Variants in SMURF1 observed in about 807,000 individuals in gnomAD.
SMURF1 encodes SMAD specific E3 ubiquitin protein ligase 1, also known as E3 ubiquitin-protein ligase SMURF1.
In SMURF1, 44 loss-of-function variants were observed where a neutral mutation model predicts 98.0. The ratio of observed to expected loss-of-function variants is 0.45; its 90% CI spans 0.35 to 0.58. The LOEUF is 0.58. Among genes scored for constraint, SMURF1 ranks in the 20% least tolerant of loss-of-function variants. SMURF1 has a pLI of 0.00. For missense variants in SMURF1, 687 were observed against 938.4 expected, an observed-to-expected ratio of 0.73 and a Z score of 3.50; for synonymous variants, 396 against 374.9, an observed-to-expected ratio of 1.06 and a Z score of -0.65.
chr7:99,037,220 C>G (rs753043501), intron 14 of SMURF1, 33 bp from the exon 15 acceptor site: 2 of 1,613,128 alleles, frequency 1.2e-6, no homozygotes, highest in Admixed American at 1.7e-5. Flanking sequence ...GGATGCAACA[C>G]CAAGTGGATT....
chr7:99,057,590 GGTTTTTTTTGTTTT>G (rs749034770), intron 3 of SMURF1, 39 bp from the exon 4 acceptor site: 3 of 1,410,174 alleles, frequency 2.1e-6, no homozygotes, highest in Admixed American at 2.9e-5. Flanking sequence ...AATTGTGTTT[GGTTTTTTTTGTTTT>G]GTTTTTTTTT....
At chr7:99,064,320 T>C (rs1035667348) in intron 1 of SMURF1, among the ~76,000 whole-genome samples, 2 of 152,230 alleles carry the variant, frequency 1.3e-5, no homozygotes, top group Non-Finnish European at 2.9e-5. Flanking sequence ...CCTCGTCTTT[T>C]TGTTTTGTTT....
chr7:99,056,939 G>A (rs1795889440), intron 5 of SMURF1, among the ~76,000 whole-genome samples: 1 of 125,426 alleles, frequency 8.0e-6, no homozygotes, highest in African/African-American at 3.3e-5. Context: ...GGAGGCGGAG[G>A]TTGAGGTGAG....
chr7:99,042,425 C>T (rs927140780), intron 11 of SMURF1, among the ~76,000 whole-genome samples, 193 bp from the exon 12 acceptor site: 1 of 152,150 alleles, frequency 6.6e-6, no homozygotes, highest in Non-Finnish European at 1.5e-5. Context: ...AGGCATGCGC[C>T]ACCAGGCCCG....
rs539736532 is a variant in SMURF1 at position 99,027,624 on chromosome 7, A to T, written c.*2960T>A. The stretch of plus-strand genomic sequence containing the variant: ...TTAGTGTACAACTTTCACAAAATAA[A>T]TCAGTGATAAAAACAGTGGGAAGGA... On this transcript the variant is annotated 3_prime_UTR_variant, in exon 18 of 18. Coordinates refer to ENST00000361368, the MANE Select transcript of SMURF1 (RefSeq NM_181349.3). The T allele has an allele frequency of 2.6e-5, 4 of 152,812 alleles. No homozygotes were observed. Among genetic ancestry groups the T allele is most frequent in the African/African-American group, 9.6e-5 (4 of 41,588 alleles). The allele number at this position is 152,812 out of a possible 1,614,324, so 9.5% of individuals were successfully genotyped here. A position where few individuals can be genotyped will look rare whatever the true frequency, so the allele number is the denominator to read the frequency against.
At chr7:99,036,262 G>C (rs1795137033) in intron 15 of SMURF1, 1 of 159,082 alleles carries the variant, frequency 6.3e-6, no homozygotes, top group African/African-American at 2.4e-5. Context: ...CAGATCACTT[G>C]AGCCCAGGAG....
chr7:99,077,136 T>C (rs1489821622), intron 1 of SMURF1, among the ~76,000 whole-genome samples: 6 of 151,976 alleles, frequency 3.9e-5, no homozygotes, highest in Non-Finnish European at 8.8e-5. Flanking sequence ...TAATAATAAA[T>C]TATGGTATAA....
chr7:99,090,447 T>C (rs941240230), intron 1 of SMURF1, among the ~76,000 whole-genome samples: 8 of 152,064 alleles, frequency 5.3e-5, no homozygotes, highest in Non-Finnish European at 8.8e-5. Flanking sequence ...CCCTCCCACA[T>C]AGACCCATAA....
chr7:99,038,347 C>T (rs745327598), intron 14 of SMURF1, 41 bp downstream of exon 14: 63 of 1,606,350 alleles, frequency 3.9e-5, no homozygotes, highest in East Asian at 1.6e-4. Context: ...CAGGCTCAGC[C>T]GCGCCCCAGG....
At chr7:99,107,018 T>A (rs561467042) in intron 1 of SMURF1, among the ~76,000 whole-genome samples, 47 of 152,338 alleles carry the variant, frequency 3.1e-4, no homozygotes, top group African/African-American at 1.1e-3. Flanking sequence ...ACATCGTAGA[T>A]TCTGTGATGT....
At chr7:99,052,971 T>C (rs1298934977) in intron 6 of SMURF1, among the ~76,000 whole-genome samples, 1 of 152,096 alleles carries the variant, frequency 6.6e-6, no homozygotes, top group East Asian at 1.9e-4. Flanking sequence ...GGCTGAGAAT[T>C]GCTTGAACCC....
chr7:99,114,761 A>G (rs1797402113), intron 1 of SMURF1, among the ~76,000 whole-genome samples: 1 of 152,180 alleles, frequency 6.6e-6, no homozygotes, highest in South Asian at 2.1e-4. Flanking sequence ...CCACAAAACA[A>G]GTCTTAATAA....
At position 99,035,844 on chromosome 7, in the gene SMURF1, C is replaced by T. The variant is rs766236980; in HGVS notation, c.1810-128G>A. ...AGCAAAGCAGCAGCTGTGTACTAGGCAGATGTTGAGACAGGAAGAAAGCTA... is the reference window on the plus strand; with the variant it reads ...AGCAAAGCAGCAGCTGTGTACTAGGTAGATGTTGAGACAGGAAGAAAGCTA... On this transcript the variant is annotated intron_variant, in intron 15 of 17. Transcript: ENST00000361368. 2.3e-5 allele frequency: 20 copies of T among 859,944 alleles called. No homozygotes were observed. In the Middle Eastern group the frequency reaches 1.0e-3, roughly 43 times the overall value. The allele number at this position is 859,944 out of a possible 1,614,324, so 53.3% of individuals were successfully genotyped here.
intron 1 of SMURF1, among the ~76,000 whole-genome samples, chr7:99,137,399 T>C (rs919812416): frequency 1.3e-5 from 2 of 152,242 alleles, no homozygotes; most frequent in African/African-American, 4.8e-5. Flanking sequence ...GTGGTACTTG[T>C]GTGAATTAGA....
intron 1 of SMURF1, among the ~76,000 whole-genome samples, chr7:99,129,110 C>T (rs1797806448): frequency 6.6e-6 from 1 of 152,172 alleles, no homozygotes; most frequent in Non-Finnish European, 1.5e-5. Flanking sequence ...AAGTCAGAGG[C>T]AGCCCTAAAA....
rs947491795 is a variant in SMURF1, at chr7:99,106,865, C to T, written c.55+36861G>A. ...AAGCTAAGCAGCTCTTTGCTTGTTT[C>T]GTTAGCAGCTCATGACTGCATTAAT... On this transcript the variant is annotated intron_variant, in intron 1 of 17. Coordinates refer to ENST00000361368, the MANE Select transcript of SMURF1 (RefSeq NM_181349.3). Among the ~76,000 whole-genome samples the T allele has an allele frequency of 3.3e-5, 5 of 152,198 alleles. 1 individual carries two copies. The South Asian group carries it at 6.2e-4, about 19-fold the overall frequency.
In SMURF1 at chr7:99,139,416, T is replaced by C. The variant is rs191360598; in HGVS notation, c.55+4310A>G. ...AAAAACACCAGGATATCTGAGAGTA[T>C]TTCAATGCATAAAAGCACAAAAAAG... On this transcript the variant is annotated intron_variant, in intron 1 of 17. Coordinates refer to ENST00000361368, the MANE Select transcript of SMURF1 (RefSeq NM_181349.3). Among the ~76,000 whole-genome samples, 423 of 152,342 alleles carry C rather than the reference T, an allele frequency of 2.8e-3. 1 individual carries two copies. The highest frequency in any genetic ancestry group is 3.4e-3 in the Non-Finnish European group (230 of 68,016).
At chr7:99,032,592 C>T (rs1229856718) in intron 17 of SMURF1, among the ~76,000 whole-genome samples, 1 of 152,188 alleles carries the variant, frequency 6.6e-6, no homozygotes. Context: ...TTGCTTGAAC[C>T]CAGGAGGCAG....
In SMURF1 at chr7:99,030,004, C is replaced by T. The variant is rs565552073; in HGVS notation, c.*580G>A. 2 of 152,254 alleles carry T rather than the reference C, an allele frequency of 1.3e-5. No homozygotes were observed. The highest frequency in any genetic ancestry group is 2.4e-5 in the African/African-American group (1 of 41,452). The allele number at this position is 152,254 out of a possible 1,614,324, so 9.4% of individuals were successfully genotyped here. A position where few individuals can be genotyped will look rare whatever the true frequency, so the allele number is the denominator to read the frequency against. On this transcript the variant is annotated 3_prime_UTR_variant, in exon 18 of 18. Coordinates refer to ENST00000361368, the MANE Select transcript of SMURF1 (RefSeq NM_181349.3). ...GGGAAACACATTTTGACTCAAGCTTCCTGCTGTGGCAGAATTCCAATAAGC... is the reference window on the plus strand; with the variant it reads ...GGGAAACACATTTTGACTCAAGCTTTCTGCTGTGGCAGAATTCCAATAAGC...
Sources: gnomAD v4.1 joint callset for allele counts (sites outside exome capture counted in the v4.1 genomes callset) on GRCh38, gnomAD v4.1.1 for gene constraint, MANE v1.5 for transcripts, NCBI Gene and HGNC (gene_info 2026-07-23, HGNC 2026-07-21) for gene names.